Variants in MDM4 observed in about 807,000 individuals in gnomAD.
The protein encoded by MDM4 is protein Mdm4.
MDM4 carries 2 observed loss-of-function variants against 60.2 expected under a neutral mutation model. The observed-to-expected ratio is 0.03, with a 90% CI of 0.01 to 0.10. The LOEUF is 0.10. Ranked by LOEUF, MDM4 falls within the 10% of genes least tolerant of loss-of-function variation. The pLI is 1.00. For missense variants in MDM4, 447 were observed against 577.5 expected, an observed-to-expected ratio of 0.77 and a Z score of 2.32; for synonymous variants, 202 against 198.1, an observed-to-expected ratio of 1.02 and a Z score of -0.17.
chr1:204,539,493 G>C (rs1661795140), intron 7 of MDM4, among the ~76,000 whole-genome samples: 1 of 151,018 alleles, frequency 6.6e-6, no homozygotes, highest in Non-Finnish European at 1.5e-5. Context: ...AGAATAAGTT[G>C]AGCATCCAAA....
chr1:204,533,078 G>A lies in MDM4; in HGVS notation c.343+832G>A, dbSNP rs4252700. 4.3e-3 allele frequency among the ~76,000 whole-genome samples: 656 copies of A among 152,190 alleles called. 10 individuals are homozygous for A. Among genetic ancestry groups the A allele is most frequent in the African/African-American group, 0.015 (640 of 41,528 alleles). ...TCACTCAAGAACCTTTTACCTAATG[G>A]CTTTAGCCATCTCTTATCTGAATGC... On this transcript the variant is annotated intron_variant, in intron 5 of 10. Coordinates refer to ENST00000367182, the MANE Select transcript of MDM4 (RefSeq NM_002393.5).
intron 3 of MDM4, chr1:204,529,219 A>T: frequency 1.4e-6 from 1 of 736,264 alleles, no homozygotes. Flanking sequence ...AAACATGTTT[A>T]TCATCATGAG....
At position 204,523,913 on chromosome 1, in the gene MDM4, G is replaced by C. The variant is rs117724569; in HGVS notation, c.-35-1571G>C. ...TTCCCGTATTGGCTAGGGTTGGACC[G>C]CACAGTCTAAGCTAATACTGATGGG... On this transcript the variant is annotated intron_variant, in intron 1 of 10. Transcript: ENST00000367182. Among the ~76,000 whole-genome samples the C allele has an allele frequency of 5.9e-5, 9 of 152,152 alleles. No homozygotes were observed. The South Asian group carries it at 1.9e-3, about 32-fold the overall frequency.
At chr1:204,533,658 A>G (rs1363125219) in intron 5 of MDM4, among the ~76,000 whole-genome samples, 1 of 152,182 alleles carries the variant, frequency 6.6e-6, no homozygotes, top group African/African-American at 2.4e-5. Flanking sequence ...GCACTTGGCC[A>G]CTGCCACTGT....
chr1:204,527,341 G>C (rs1660306458), intron 3 of MDM4, among the ~76,000 whole-genome samples: 1 of 151,918 alleles, frequency 6.6e-6, no homozygotes, highest in South Asian at 2.1e-4. Flanking sequence ...TTTGAGGCAG[G>C]AATTAAATGC....
Position 204,525,342 on chromosome 1 carries a change from C to CA in MDM4, c.-35-140dup, listed in dbSNP as rs1270566754. 7.4e-6 allele frequency: 10 copies of CA among 1,349,468 alleles called. No individual in the cohort carries two copies. In the African/African-American group the frequency reaches 1.2e-4, roughly 16 times the overall value. The allele number at this position is 1,349,468 out of a possible 1,614,324, so 83.6% of individuals were successfully genotyped here. The stretch of plus-strand genomic sequence containing the variant: ...AGTCAGAAGATATGCAGAACCTCAG[C>CA]AAGGGTATACAGCATTTGTGTACGG... On this transcript the variant is annotated intron_variant, in intron 1 of 10. Coordinates refer to ENST00000367182, the MANE Select transcript of MDM4 (RefSeq NM_002393.5).
At chr1:204,531,353 G>A (rs1363599507) in intron 4 of MDM4, among the ~76,000 whole-genome samples, 1 of 152,194 alleles carries the variant, frequency 6.6e-6, no homozygotes, top group East Asian at 1.9e-4. Flanking sequence ...TTGCTGGGCA[G>A]TTAGAGGTTG....
At chr1:204,524,418 A>G (rs1419497562) in intron 1 of MDM4, among the ~76,000 whole-genome samples, 2 of 152,216 alleles carry the variant, frequency 1.3e-5, no homozygotes, top group African/African-American at 2.4e-5. Context: ...GTTAGTCATC[A>G]GTTTTAATAA....
chr1:204,521,202 C>T (rs2102290634), intron 1 of MDM4, among the ~76,000 whole-genome samples: 1 of 152,224 alleles, frequency 6.6e-6, no homozygotes, highest in Middle Eastern at 3.4e-3. Context: ...TTGATGAGTC[C>T]TTACCATTTG....
In MDM4 at chr1:204,553,861, C is replaced by G. The variant is rs1663387689; in HGVS notation, c.*4179C>G. On this transcript the variant is annotated 3_prime_UTR_variant, in exon 11 of 11. Coordinates refer to ENST00000367182, the MANE Select transcript of MDM4 (RefSeq NM_002393.5). ...TAATATGGTATGCCATTTCCCCAGT[C>G]TACCAATGGAATAGTATGGGTTTCT... 1.4e-5 allele frequency: 3 copies of G among 221,560 alleles called. No individual in the cohort carries two copies. The highest frequency in any genetic ancestry group is 5.8e-5 in the Admixed American group (1 of 17,362). The allele number at this position is 221,560 out of a possible 1,614,324, so 13.7% of individuals were successfully genotyped here. A position where few individuals can be genotyped will look rare whatever the true frequency, so the allele number is the denominator to read the frequency against.
Position 204,542,814 on chromosome 1 carries a change from A to G in MDM4, c.542A>G (p.Asp181Gly), listed in dbSNP as rs1378241666. The change falls in exon 8 of 11, where the codon GAT becomes GGT. Residue 181 changes from aspartate (D) to glycine (G), a missense_variant. Around this residue, in one of 8 missense-constraint regions of MDM4, gnomAD observed 184 missense variants for 179.3 expected, o/e 1.03. Transcript: ENST00000367182. ...GACTTAATTGAAAATTTAGCCCAAG[A>G]TGAAACATCTAGGCTGGACCTTGGA... ...DEDLIENLAQ[D>G]ETSRLDLGFE... 1.9e-6 allele frequency: 3 copies of G among 1,612,412 alleles called. No individual in the cohort carries two copies. The highest frequency in any genetic ancestry group is 1.3e-5 in the African/African-American group (1 of 74,848).
rs1326850333 is a variant in MDM4 at position 204,555,854 on chromosome 1, C to G, written c.*6172C>G. On this transcript the variant is annotated 3_prime_UTR_variant, in exon 11 of 11. Coordinates refer to ENST00000367182, the MANE Select transcript of MDM4 (RefSeq NM_002393.5). The stretch of plus-strand genomic sequence containing the variant: ...CGCTCCCACCTGGGTGACAGAGACT[C>G]TGTCTCAAAAAAAAGGACATTTATC... 5.4e-6 allele frequency: 1 copy of G among 185,218 alleles called. No individual in the cohort carries two copies. Among genetic ancestry groups the G allele is most frequent in the Non-Finnish European group, 1.1e-5 (1 of 87,742 alleles). The allele number at this position is 185,218 out of a possible 1,614,324, so 11.5% of individuals were successfully genotyped here. A position where few individuals can be genotyped will look rare whatever the true frequency, so the allele number is the denominator to read the frequency against.
chr1:204,535,448 C>A (rs951691782), intron 5 of MDM4, among the ~76,000 whole-genome samples: 1 of 152,140 alleles, frequency 6.6e-6, no homozygotes, highest in Non-Finnish European at 1.5e-5. Flanking sequence ...TGAGCCACTG[C>A]ACCCAGCCTA....
intron 5 of MDM4, among the ~76,000 whole-genome samples, chr1:204,535,144 T>TA (rs1661266035): frequency 6.6e-6 from 1 of 151,810 alleles, no homozygotes; most frequent in Non-Finnish European, 1.5e-5. Context: ...TGCCATTGTT[T>TA]AAAATGGTAG....
At chr1:204,520,956 A>T (rs569877609) in intron 1 of MDM4, among the ~76,000 whole-genome samples, 1 of 152,314 alleles carries the variant, frequency 6.6e-6, no homozygotes. Flanking sequence ...GTCTTGAATA[A>T]AAGAGTTATG....
At position 204,556,108 on chromosome 1, in the gene MDM4, C is replaced by T. The variant is rs1013076373; in HGVS notation, c.*6426C>T. On this transcript the variant is annotated 3_prime_UTR_variant, in exon 11 of 11. Transcript: ENST00000367182. ...TCTGGTCTCCCTTAAGAAAAAAAAA[C>T]CCTTCCACCTTTACTGTGTCATTTA... 1 of 221,194 alleles carries T rather than the reference C, an allele frequency of 4.5e-6. No individual in the cohort carries two copies. The highest frequency in any genetic ancestry group is 9.0e-6 in the Non-Finnish European group (1 of 110,672). The allele number at this position is 221,194 out of a possible 1,614,324, so 13.7% of individuals were successfully genotyped here. A position where few individuals can be genotyped will look rare whatever the true frequency, so the allele number is the denominator to read the frequency against.
At chr1:204,534,481 TTTTG>T in intron 5 of MDM4, among the ~76,000 whole-genome samples, 1 of 152,262 alleles carries the variant, frequency 6.6e-6, no homozygotes, top group African/African-American at 2.4e-5. Context: ...ATAAAGAATA[TTTTG>T]TTGGTTTTGT....
intron 7 of MDM4, among the ~76,000 whole-genome samples, chr1:204,540,177 C>G (rs12047467): frequency 6.6e-6 from 1 of 151,306 alleles, no homozygotes; most frequent in Non-Finnish European, 1.5e-5. Context: ...CCCAGCTACC[C>G]GGGAGGCTGA....
At chr1:204,526,547 T>C (rs1246811319) in intron 3 of MDM4, 113 bp downstream of exon 3, 2 of 731,432 alleles carry the variant, frequency 2.7e-6, no homozygotes, top group Non-Finnish European at 4.5e-6. Flanking sequence ...CACTGCAAGC[T>C]CCGCCTCCTG....
Sources: allele counts gnomAD v4.1 joint callset (sites outside exome capture counted in the v4.1 genomes callset), GRCh38; gene constraint gnomAD v4.1.1; regional missense constraint gnomAD v4.1.1; transcripts MANE v1.5; gene names NCBI Gene and HGNC (gene_info 2026-07-23, HGNC 2026-07-21).